PDE4D: variants seen among roughly 807,000 people sequenced by gnomAD.
PDE4D encodes the protein phosphodiesterase 4D, also known as 3',5'-cyclic-AMP phosphodiesterase 4D.
PDE4D carries 24 observed loss-of-function variants against 87.4 expected under a neutral mutation model. The observed-to-expected ratio is 0.27, with a 90% CI of 0.20 to 0.39. PDE4D has a LOEUF of 0.39. PDE4D is among the 10% of genes least tolerant of loss of function. The pLI, the probability that PDE4D is intolerant of heterozygous loss-of-function variation, is 1.00. For synonymous variants in PDE4D, 384 were observed against 383.2 expected (o/e 1.00, Z -0.02); for missense variants, 714 against 1,041.0 (o/e 0.69, Z 4.32).
At chr5:59,619,759 T>C (rs1422036494) in intron 1 of PDE4D, among the ~76,000 whole-genome samples, 1 of 152,112 alleles carries the variant, frequency 6.6e-6, no homozygotes, top group East Asian at 1.9e-4. Flanking sequence ...CTGAAGAGAA[T>C]CTGAGTAAAA....
chr5:59,371,145 TC>T (rs1783865082), intron 1 of PDE4D, among the ~76,000 whole-genome samples: 1 of 152,210 alleles, frequency 6.6e-6, no homozygotes. Flanking sequence ...GATTGAATAC[TC>T]CTGGGAGGGT....
chr5:59,768,103 T>C lies in PDE4D; in HGVS notation c.455+125065A>G, dbSNP rs912637413. 6.8e-6 allele frequency: 7 copies of C among 1,035,642 alleles called. No homozygotes were observed. In the Admixed American group the frequency reaches 9.0e-5, roughly 13 times the overall value. 64.2% of individuals were successfully genotyped at this position (1,035,642 alleles called of 1,614,324 possible). On this transcript the variant is annotated intron_variant, in intron 1 of 14. Coordinates refer to ENST00000340635, the MANE Select transcript of PDE4D (RefSeq NM_001104631.2). ...CTGACTTGGACATTTGTGGGATTTA[T>C]GGTTAAGGGAGATCACTTGGCCATA...
At position 59,887,024 on chromosome 5, in the gene PDE4D, G is replaced by A. The variant is rs550520378; in HGVS notation, c.455+6144C>T. ...GAATAGAGGATAAGTGCTGGAACTA[G>A]GGAAGTGGCAAGGAAAAAACACAAG... On this transcript the variant is annotated intron_variant, in intron 1 of 14. Transcript: ENST00000340635. Among the ~76,000 whole-genome samples the A allele has an allele frequency of 2.0e-5, 3 of 152,108 alleles. 1 individual carries two copies. The South Asian group carries it at 6.2e-4, about 32-fold the overall frequency.
chr5:59,398,393 G>C (rs1789917503), intron 1 of PDE4D, among the ~76,000 whole-genome samples: 2 of 143,006 alleles, frequency 1.4e-5, no homozygotes, highest in Non-Finnish European at 3.0e-5. Context: ...TGATCAAGTG[G>C]GCTTCATCCC....
At chr5:59,371,504 T>G (rs1783934473) in intron 1 of PDE4D, among the ~76,000 whole-genome samples, 2 of 152,196 alleles carry the variant, frequency 1.3e-5, no homozygotes, top group African/African-American at 4.8e-5. Context: ...AAACTTAGTT[T>G]GAAGACTACT....
intron 3 of PDE4D, among the ~76,000 whole-genome samples, chr5:59,191,012 A>C (rs1226493665): frequency 6.6e-6 from 1 of 152,214 alleles, no homozygotes; most frequent in Non-Finnish European, 1.5e-5. Flanking sequence ...CAAAGACTTA[A>C]TATACTATGG....
chr5:59,886,283 C>A (rs1581596027), intron 1 of PDE4D, among the ~76,000 whole-genome samples: 1 of 151,996 alleles, frequency 6.6e-6, no homozygotes, highest in Non-Finnish European at 1.5e-5. Flanking sequence ...TTTGGGAGAT[C>A]GAGGCAGATG....
chr5:60,187,653 T>G (rs569130583), intron 1 of PDE4D, among the ~76,000 whole-genome samples: 1 of 152,250 alleles, frequency 6.6e-6, no homozygotes, highest in South Asian at 2.1e-4. Flanking sequence ...AGACCATCAT[T>G]AAGAGATACT....
chr5:59,457,976 G>T (rs1800185043), intron 1 of PDE4D, among the ~76,000 whole-genome samples: 1 of 152,112 alleles, frequency 6.6e-6, no homozygotes, highest in African/African-American at 2.4e-5. Context: ...CAGTCCCACA[G>T]CTAGGAAAAT....
intron 2 of PDE4D, among the ~76,000 whole-genome samples, chr5:60,034,540 G>A (rs1297693511): frequency 1.3e-5 from 2 of 151,996 alleles, no homozygotes; most frequent in South Asian, 2.1e-4. Context: ...TTACATTTAG[G>A]GCCTGCCTGG....
At chr5:59,830,937 C>A (rs1454947334) in intron 1 of PDE4D, among the ~76,000 whole-genome samples, 1 of 151,920 alleles carries the variant, frequency 6.6e-6, no homozygotes, top group African/African-American at 2.4e-5. Flanking sequence ...CCCTGTAGCA[C>A]AATTTAGTTA....
chr5:60,081,989 C>T (rs907411912), intron 2 of PDE4D, among the ~76,000 whole-genome samples: 1 of 152,034 alleles, frequency 6.6e-6, no homozygotes, highest in Admixed American at 6.5e-5. Context: ...TTCTTCTTAC[C>T]AAAGGAGAGT....
intron 1 of PDE4D, among the ~76,000 whole-genome samples, chr5:59,603,040 G>A (rs1180356288): frequency 6.6e-6 from 1 of 151,816 alleles, no homozygotes; most frequent in Non-Finnish European, 1.5e-5. Context: ...TCAACCTATA[G>A]TGGATGAAAG....
chr5:60,103,304 T>C (rs1397902327), intron 2 of PDE4D, among the ~76,000 whole-genome samples: 1 of 152,160 alleles, frequency 6.6e-6, no homozygotes, highest in African/African-American at 2.4e-5. Context: ...TGGGTGGACA[T>C]GAACCGAGTA....
chr5:59,334,851 C>T (rs965009276), intron 1 of PDE4D, among the ~76,000 whole-genome samples: 6 of 151,914 alleles, frequency 3.9e-5, no homozygotes, highest in African/African-American at 1.5e-4. Context: ...AGAGATCAAC[C>T]TAATAAGAAT....
intron 1 of PDE4D, among the ~76,000 whole-genome samples, chr5:60,319,736 G>T (rs993202728): frequency 3.9e-5 from 6 of 152,180 alleles, no homozygotes; most frequent in African/African-American, 9.6e-5. Flanking sequence ...GTTGGAGTTT[G>T]CTGGAGGTCC....
chr5:60,049,900 T>G (rs1031380929), intron 2 of PDE4D, among the ~76,000 whole-genome samples: 4 of 152,210 alleles, frequency 2.6e-5, no homozygotes, highest in Admixed American at 2.6e-4. Context: ...CCACCCAGTT[T>G]GAGCTTCCTG....
chr5:59,015,939 C>T (rs1753860511), intron 6 of PDE4D, among the ~76,000 whole-genome samples: 1 of 152,182 alleles, frequency 6.6e-6, no homozygotes, highest in Non-Finnish European at 1.5e-5. Context: ...GAATACTATG[C>T]AGCCATAAAA....
intron 1 of PDE4D, among the ~76,000 whole-genome samples, chr5:59,724,839 GT>G (rs948562336): frequency 2.6e-5 from 4 of 152,026 alleles, no homozygotes; most frequent in African/African-American, 7.2e-5. Flanking sequence ...TTTTATTTTT[GT>G]TTTTGCTGAA....
Sources: allele counts gnomAD v4.1 joint callset (sites outside exome capture counted in the v4.1 genomes callset), GRCh38; gene constraint gnomAD v4.1.1; transcripts MANE v1.5; gene names NCBI Gene and HGNC (gene_info 2026-07-23, HGNC 2026-07-21).